The following GRXCR1 variants were observed in gnomAD, a reference collection of about 807,000 sequenced individuals.
GRXCR1 encodes the protein glutaredoxin and cysteine rich domain containing 1.
A neutral mutation model predicts 27.3 loss-of-function variants in GRXCR1; 27 were observed. The observed-to-expected ratio is 0.99, with a 90% confidence interval of 0.73 to 1.37. GRXCR1 has a LOEUF of 1.37. GRXCR1 is among the 40% of genes most tolerant of loss of function. GRXCR1 has a pLI of 0.00. For missense variants in GRXCR1, 379 were observed against 354.4 expected (o/e 1.07, Z -0.56); for synonymous variants, 122 against 131.1 (o/e 0.93, Z 0.47).
chr4:42,943,492 C>T (rs1224752154), intron 1 of GRXCR1, among the ~76,000 whole-genome samples: 1 of 152,010 alleles, frequency 6.6e-6, no homozygotes. Flanking sequence ...TCTAGAGCTT[C>T]TGAATCAGAA....
intron 1 of GRXCR1, among the ~76,000 whole-genome samples, chr4:42,903,897 C>T (rs547196686): frequency 1.3e-5 from 2 of 152,218 alleles, no homozygotes; most frequent in South Asian, 4.2e-4. Context: ...TAAGTAGCTG[C>T]CTACCCATCC....
intron 1 of GRXCR1, among the ~76,000 whole-genome samples, chr4:42,912,121 G>A (rs1448459760): frequency 6.6e-6 from 1 of 152,074 alleles, no homozygotes; most frequent in African/African-American, 2.4e-5. Flanking sequence ...ATAGTTATCA[G>A]AGCAACTTTC....
At chr4:43,022,507 TTTAAG>T (rs1713127123) in intron 3 of GRXCR1, among the ~76,000 whole-genome samples, 2 of 152,216 alleles carry the variant, frequency 1.3e-5, no homozygotes, top group Admixed American at 1.3e-4. Context: ...GCACAAATAC[TTTAAG>T]TTATTTTTAA....
chr4:42,912,321 A>G (rs906510840), intron 1 of GRXCR1, among the ~76,000 whole-genome samples: 3 of 152,196 alleles, frequency 2.0e-5, no homozygotes, highest in African/African-American at 7.2e-5. Context: ...ACAAAGACTT[A>G]GTATTGAAAA....
chr4:42,940,696 G>T (rs1046031362), intron 1 of GRXCR1, among the ~76,000 whole-genome samples: 2 of 151,950 alleles, frequency 1.3e-5, no homozygotes, highest in Non-Finnish European at 2.9e-5. Flanking sequence ...GCTTTAAAAT[G>T]GCATTGATAA....
At chr4:42,947,576 C>CT (rs1747777343) in intron 1 of GRXCR1, among the ~76,000 whole-genome samples, 1 of 152,238 alleles carries the variant, frequency 6.6e-6, no homozygotes, top group Admixed American at 6.5e-5. Context: ...AAATCTGCCA[C>CT]TTAATGAGAC....
At chr4:42,987,241 A>ATTATATATATATAATATATAATATAT (rs1276367661) in intron 2 of GRXCR1, among the ~76,000 whole-genome samples, 9 of 66,460 alleles carry the variant, frequency 1.4e-4, no homozygotes, top group Admixed American at 4.3e-4. Context: ...ATATATATAT[A>ATTATATATATATAATATATAATATAT]ATATATAATA....
intron 2 of GRXCR1, among the ~76,000 whole-genome samples, chr4:43,017,325 A>G (rs1712960499): frequency 6.6e-6 from 1 of 152,184 alleles, no homozygotes; most frequent in African/African-American, 2.4e-5. Context: ...TGTATCAGTG[A>G]GCAGGCAGCT....
At chr4:42,968,987 A>G (rs932613180) in intron 2 of GRXCR1, among the ~76,000 whole-genome samples, 2 of 152,148 alleles carry the variant, frequency 1.3e-5, no homozygotes, top group Admixed American at 6.6e-5. Flanking sequence ...CATTTTGACT[A>G]GAACAATTCT....
At chr4:42,958,745 A>G (rs1436057431) in intron 1 of GRXCR1, among the ~76,000 whole-genome samples, 1 of 152,062 alleles carries the variant, frequency 6.6e-6, no homozygotes, top group Non-Finnish European at 1.5e-5. Context: ...AATTTAAAAA[A>G]TGAACAGATG....
At chr4:42,946,260 G>T (rs1044373427) in intron 1 of GRXCR1, among the ~76,000 whole-genome samples, 1 of 147,544 alleles carries the variant, frequency 6.8e-6, no homozygotes, top group Non-Finnish European at 1.5e-5. Flanking sequence ...CAGGAAAAAG[G>T]TCACTGCAAA....
chr4:42,951,888 A>G (rs1054025134), intron 1 of GRXCR1, among the ~76,000 whole-genome samples: 1 of 152,006 alleles, frequency 6.6e-6, no homozygotes, highest in Admixed American at 6.6e-5. Flanking sequence ...TTTGGTGTGG[A>G]AGATTTATTG....
At chr4:42,989,946 T>C (rs1295864958) in intron 2 of GRXCR1, among the ~76,000 whole-genome samples, 1 of 152,072 alleles carries the variant, frequency 6.6e-6, no homozygotes, top group Non-Finnish European at 1.5e-5. Flanking sequence ...ATGTATGATT[T>C]ATAAATATTT....
chr4:43,016,303 A>G (rs959248242), intron 2 of GRXCR1, among the ~76,000 whole-genome samples: 2 of 152,160 alleles, frequency 1.3e-5, no homozygotes, highest in African/African-American at 4.8e-5. Context: ...ACGAAAGGAC[A>G]TGTACATATA....
chr4:42,894,224 T>A (rs1746299063), intron 1 of GRXCR1, among the ~76,000 whole-genome samples: 1 of 152,058 alleles, frequency 6.6e-6, no homozygotes, highest in African/African-American at 2.4e-5. Context: ...CTTGAAAAAA[T>A]TACTCCTCTA....
chr4:43,007,115 C>A (rs1174556190), intron 2 of GRXCR1, among the ~76,000 whole-genome samples: 1 of 152,114 alleles, frequency 6.6e-6, no homozygotes, highest in Non-Finnish European at 1.5e-5. Flanking sequence ...GGATTGACAG[C>A]AATTAGGAAA....
intron 2 of GRXCR1, among the ~76,000 whole-genome samples, chr4:43,012,800 C>G (rs985007237): frequency 1.3e-5 from 2 of 151,910 alleles, no homozygotes; most frequent in South Asian, 2.1e-4. Flanking sequence ...TAAAAAAAAC[C>G]TTGGTGAGCT....
At chr4:42,958,566 G>A (rs184573939) in intron 1 of GRXCR1, among the ~76,000 whole-genome samples, 2 of 151,880 alleles carry the variant, frequency 1.3e-5, no homozygotes, top group Non-Finnish European at 2.9e-5. Flanking sequence ...ACAAGTGGGA[G>A]CACGCAAAAC....
intron 2 of GRXCR1, among the ~76,000 whole-genome samples, chr4:42,997,537 C>T (rs902102474): frequency 1.3e-5 from 2 of 152,128 alleles, no homozygotes; most frequent in African/African-American, 4.8e-5. Flanking sequence ...TCATCTAATT[C>T]CTAGAGATAG....
Sources: allele counts gnomAD v4.1 joint callset (sites outside exome capture counted in the v4.1 genomes callset), GRCh38; gene constraint gnomAD v4.1.1; transcripts MANE v1.5; gene names NCBI Gene and HGNC (gene_info 2026-07-23, HGNC 2026-07-21).